The following ANK2 variants were observed in gnomAD, a reference collection of about 807,000 sequenced individuals.
ANK2 encodes ankyrin 2.
Under a neutral mutation model 360.5 loss-of-function variants are expected in ANK2, and 83 were observed. The observed-to-expected ratio is 0.23, with a 90% CI of 0.19 to 0.28. The LOEUF (loss-of-function observed/expected upper bound fraction) is 0.28, where lower values mean the gene tolerates loss of function less well. Ranked by LOEUF, ANK2 falls within the 10% of genes least tolerant of loss-of-function variation. The pLI, the probability that ANK2 is intolerant of heterozygous loss-of-function variation, is 1.00. For missense variants in ANK2, 4,201 were observed against 4,795.7 expected (o/e 0.88, Z 3.66); for synonymous variants, 1,740 against 1,759.5 (o/e 0.99, Z 0.28).
At chr4:112,864,467 G>A (rs1203497071) in intron 1 of ANK2, among the ~76,000 whole-genome samples, 1 of 151,852 alleles carries the variant, frequency 6.6e-6, no homozygotes, top group African/African-American at 2.4e-5. Context: ...CTGCCAACAT[G>A]CCCAGCTAAT....
At chr4:113,153,505 A>G (rs2097168597) in intron 1 of ANK2, among the ~76,000 whole-genome samples, 1 of 152,212 alleles carries the variant, frequency 6.6e-6, no homozygotes, top group Non-Finnish European at 1.5e-5. Flanking sequence ...ACATTTAACA[A>G]TTTTATATTA....
chr4:112,876,195 A>G (rs1225456607), intron 1 of ANK2, among the ~76,000 whole-genome samples: 2 of 152,178 alleles, frequency 1.3e-5, no homozygotes, highest in Non-Finnish European at 1.5e-5. Context: ...AGTCAAACAT[A>G]TATTCTGAGT....
chr4:113,176,844 T>C (rs989273181), intron 2 of ANK2, among the ~76,000 whole-genome samples: 2 of 152,154 alleles, frequency 1.3e-5, no homozygotes, highest in Non-Finnish European at 2.9e-5. Context: ...AGTGTTCTCA[T>C]TGTTCAATTC....
chr4:112,709,218 C>T, the ANK2 span, among the ~76,000 whole-genome samples: 3 of 152,104 alleles, frequency 2.0e-5, no homozygotes, highest in African/African-American at 7.2e-5. Flanking sequence ...GAAGTTTCAC[C>T]TACTTTTTCC....
chr4:113,002,811 T>G (rs2051287606), intron 2 of ANK2, among the ~76,000 whole-genome samples: 9 of 152,226 alleles, frequency 5.9e-5, no homozygotes, highest in Admixed American at 5.9e-4. Context: ...CTTTTCAGTC[T>G]CATCTCCTCC....
chr4:113,118,092 G>C (rs1280730708), intron 1 of ANK2, among the ~76,000 whole-genome samples: 2 of 152,224 alleles, frequency 1.3e-5, no homozygotes, highest in East Asian at 3.9e-4. Flanking sequence ...ATGAAATGTT[G>C]ATTCCTTTTA....
chr4:113,128,421 G>A (rs1476361345), intron 1 of ANK2, among the ~76,000 whole-genome samples: 2 of 152,146 alleles, frequency 1.3e-5, no homozygotes, highest in African/African-American at 4.8e-5. Flanking sequence ...TATGTGAGAG[G>A]ACAAAAGGAA....
intron 1 of ANK2, among the ~76,000 whole-genome samples, chr4:112,825,649 A>G (rs2058266659): frequency 1.3e-5 from 2 of 152,244 alleles, no homozygotes; most frequent in South Asian, 4.1e-4. Context: ...CAAAAGACAG[A>G]TTAACCAGAG....
At position 113,260,071 on chromosome 4, in the gene ANK2, C is replaced by T. The variant is rs570755869; in HGVS notation, c.1386+1660C>T. Among the ~76,000 whole-genome samples the T allele has an allele frequency of 8.5e-5, 13 of 152,192 alleles. No individual in the cohort carries two copies. The South Asian group carries it at 2.3e-3, about 27-fold the overall frequency. On this transcript the variant is annotated intron_variant, in intron 13 of 45. Coordinates refer to ENST00000357077, the MANE Select transcript of ANK2 (RefSeq NM_001148.6). ...TAATGATAACATGTACAAGAATATT[C>T]TGTGGGTTGCTTGATTGCAATCCCC...
At chr4:113,003,797 C>A (rs1362427112) in intron 2 of ANK2, among the ~76,000 whole-genome samples, 1 of 152,170 alleles carries the variant, frequency 6.6e-6, no homozygotes, top group East Asian at 1.9e-4. Context: ...ACAAATTCAT[C>A]CTTAGAATGT....
chr4:113,095,551 C>A (rs149884431), intron 1 of ANK2, among the ~76,000 whole-genome samples: 4 of 152,184 alleles, frequency 2.6e-5, no homozygotes, highest in African/African-American at 9.6e-5. Context: ...TGTCCTATCT[C>A]TTTATTCTTT....
the ANK2 span, among the ~76,000 whole-genome samples, chr4:112,784,075 A>G: frequency 6.6e-6 from 1 of 152,202 alleles, no homozygotes; most frequent in Non-Finnish European, 1.5e-5. Context: ...AGTAAACTCT[A>G]CCTACTGATG....
At chr4:113,017,848 C>T (rs1259079614) in intron 2 of ANK2, among the ~76,000 whole-genome samples, 2 of 152,148 alleles carry the variant, frequency 1.3e-5, no homozygotes, top group Admixed American at 1.3e-4. Flanking sequence ...GGCTTTTTCT[C>T]CTTACCTTTA....
At chr4:112,888,071 A>G (rs2078917809) in intron 1 of ANK2, among the ~76,000 whole-genome samples, 1 of 152,160 alleles carries the variant, frequency 6.6e-6, no homozygotes, top group Non-Finnish European at 1.5e-5. Flanking sequence ...TTATATTTTA[A>G]CAAAAGCTAG....
At position 113,379,457 on chromosome 4, in the gene ANK2, G is replaced by A. The variant is rs113327495; in HGVS notation, c.11860-2000G>A. 5.2e-3 allele frequency among the ~76,000 whole-genome samples: 798 copies of A among 152,248 alleles called. 4 individuals carry two copies. Among genetic ancestry groups the A allele is most frequent in the African/African-American group, 0.019 (782 of 41,554 alleles). On this transcript the variant is annotated intron_variant, in intron 45 of 45. Transcript: ENST00000357077. ...ACATTGTTAAAGATATCATATACAT[G>A]TGCATATTCAGAAACACATTGGCCT...
chr4:112,763,904 C>T, the ANK2 span, among the ~76,000 whole-genome samples: 2,447 of 152,214 alleles, frequency 0.016, 40 homozygotes, highest in Middle Eastern at 0.031. Flanking sequence ...ACTCACATCT[C>T]TCTCACACTT....
At chr4:113,157,683 G>A (rs2097352915) in intron 1 of ANK2, among the ~76,000 whole-genome samples, 1 of 152,204 alleles carries the variant, frequency 6.6e-6, no homozygotes, top group African/African-American at 2.4e-5. Context: ...GACTGCAGTA[G>A]CTTCATCCCA....
chr4:112,852,426 C>A (rs1027273475), intron 1 of ANK2, among the ~76,000 whole-genome samples: 2 of 152,182 alleles, frequency 1.3e-5, no homozygotes, highest in African/African-American at 4.8e-5. Flanking sequence ...TAAAAAATCT[C>A]TTTCCAACTT....
chr4:113,315,324 G>A (rs1270316479), intron 24 of ANK2, among the ~76,000 whole-genome samples: 5 of 152,156 alleles, frequency 3.3e-5, no homozygotes, highest in African/African-American at 9.7e-5. Flanking sequence ...GTCACTCCTT[G>A]AGAGTGGCAA....
Sources: allele counts gnomAD v4.1 joint callset (sites outside exome capture counted in the v4.1 genomes callset), GRCh38; gene constraint gnomAD v4.1.1; transcripts MANE v1.5; gene names NCBI Gene and HGNC (gene_info 2026-07-23, HGNC 2026-07-21).